The following TCF7L1 variants were observed in gnomAD, a reference collection of about 807,000 sequenced individuals.
TCF7L1 encodes the protein transcription factor 7-like 1.
TCF7L1 carries 18 observed loss-of-function variants against 63.7 expected under a neutral mutation model. The observed-to-expected ratio is 0.28, with a 90% CI of 0.20 to 0.42. The LOEUF is 0.42. TCF7L1 is among the 10% of genes least tolerant of loss of function. The probability of loss-of-function intolerance (pLI) is 1.00; values close to 1 mark genes in which losing one functional copy is unlikely to be tolerated. For synonymous variants in TCF7L1, 355 were observed against 340.9 expected, an observed-to-expected ratio of 1.04 and a Z score of -0.46; for missense variants, 654 against 779.3, an observed-to-expected ratio of 0.84 and a Z score of 1.91.
At chr2:85,235,350 T>C (rs543750673) in intron 3 of TCF7L1, among the ~76,000 whole-genome samples, 1 of 151,434 alleles carries the variant, frequency 6.6e-6, no homozygotes, top group Non-Finnish European at 1.5e-5. Flanking sequence ...CCCTACCCTG[T>C]CTCCCCGAAG....
Position 85,133,708 on chromosome 2 carries a change from C to CGGG in TCF7L1, c.26_27insGGG (p.Gly14dup). On this transcript the variant is annotated inframe_insertion, in exon 1 of 12. Coordinates refer to ENST00000282111, the MANE Select transcript of TCF7L1 (RefSeq NM_031283.3). The surrounding 1 kb of genome is among the most constrained non-coding windows in gnomAD (Gnocchi z 4.4). ...CCATGCCCCAGCTCGGCGGCGGGGG[C>CGGG]GGCGGCGGCGGCGGCGGCAGCGGGG... 8.6e-6 allele frequency: 3 copies of CGGG among 349,318 alleles called. No individual in the cohort carries two copies. Among genetic ancestry groups the CGGG allele is most frequent in the Non-Finnish European group, 1.0e-5 (3 of 290,198 alleles). 21.6% of individuals were successfully genotyped at this position (349,318 alleles called of 1,614,324 possible). A position where few individuals can be genotyped will look rare whatever the true frequency, so the allele number is the denominator to read the frequency against.
chr2:85,161,461 G>T (rs138887594), intron 3 of TCF7L1, among the ~76,000 whole-genome samples: 36 of 152,146 alleles, frequency 2.4e-4, no homozygotes, highest in African/African-American at 8.2e-4. Flanking sequence ...GGGGCCGGTG[G>T]AGCTGCTTCA....
intron 3 of TCF7L1, among the ~76,000 whole-genome samples, chr2:85,201,661 C>G (rs1162601546): frequency 1.3e-5 from 2 of 152,064 alleles, no homozygotes; most frequent in African/African-American, 2.4e-5. Context: ...TATGTTTAAC[C>G]ATTTGAGGAG....
At chr2:85,191,162 A>G (rs1241939604) in intron 3 of TCF7L1, among the ~76,000 whole-genome samples, 6 of 152,224 alleles carry the variant, frequency 3.9e-5, no homozygotes, top group African/African-American at 1.2e-4. Context: ...GAGTGGTGGT[A>G]TCAGTGCTGA....
intron 6 of TCF7L1, 76 bp downstream of exon 6, chr2:85,304,073 C>A: frequency 7.8e-7 from 1 of 1,287,090 alleles, no homozygotes; most frequent in Non-Finnish European, 1.1e-6. Context: ...GCGCGCCCTG[C>A]ACAGTGGAGC....
chr2:85,302,132 A>G (rs548527512), intron 4 of TCF7L1, among the ~76,000 whole-genome samples: 1 of 151,438 alleles, frequency 6.6e-6, no homozygotes, highest in Non-Finnish European at 1.5e-5. Context: ...CATCTCAAAA[A>G]ACAAAACAAA....
intron 3 of TCF7L1, among the ~76,000 whole-genome samples, chr2:85,273,043 G>A (rs1681187549): frequency 6.6e-6 from 1 of 152,196 alleles, no homozygotes; most frequent in South Asian, 2.1e-4. Context: ...GGGCTGAGAA[G>A]TACCTGGGAG....
At chr2:85,150,236 C>CTTT (rs777018512) in intron 3 of TCF7L1, among the ~76,000 whole-genome samples, 2 of 142,226 alleles carry the variant, frequency 1.4e-5, no homozygotes, top group Admixed American at 7.1e-5. Context: ...GTTCTTGACT[C>CTTT]TTTTTTTTTT....
intron 3 of TCF7L1, among the ~76,000 whole-genome samples, chr2:85,230,254 CT>C (rs1351003398): frequency 6.6e-6 from 1 of 152,186 alleles, no homozygotes; most frequent in Non-Finnish European, 1.5e-5. Flanking sequence ...GTGCATGATT[CT>C]TATGGATTAA....
chr2:85,149,555 T>C (rs747879456), intron 3 of TCF7L1, among the ~76,000 whole-genome samples: 36 of 152,176 alleles, frequency 2.4e-4, no homozygotes, highest in Admixed American at 1.9e-3. Flanking sequence ...AGATAGAGTC[T>C]GGCTGCAACG....
chr2:85,262,135 A>G (rs917582556), intron 3 of TCF7L1: 1 of 545,924 alleles, frequency 1.8e-6, no homozygotes, highest in Admixed American at 1.9e-5. Context: ...TCTCTTCCGC[A>G]TCATCTAATA....
intron 3 of TCF7L1, among the ~76,000 whole-genome samples, chr2:85,243,173 G>A (rs1680377888): frequency 1.3e-5 from 2 of 152,150 alleles, no homozygotes; most frequent in Non-Finnish European, 2.9e-5. Context: ...AACTAATTCT[G>A]TAATAACATG....
chr2:85,262,614 A>G (rs779758206), intron 3 of TCF7L1, among the ~76,000 whole-genome samples: 2 of 152,172 alleles, frequency 1.3e-5, no homozygotes, highest in Non-Finnish European at 2.9e-5. Context: ...GACTTTTTTT[A>G]AAGATGTTGC....
chr2:85,288,085 C>T (rs553013001), intron 4 of TCF7L1, among the ~76,000 whole-genome samples: 2 of 152,252 alleles, frequency 1.3e-5, no homozygotes, highest in African/African-American at 4.8e-5. Context: ...CCACCACTAC[C>T]GCTACCTCTA....
chr2:85,290,323 A>G (rs1454344190), intron 4 of TCF7L1, among the ~76,000 whole-genome samples: 1 of 151,920 alleles, frequency 6.6e-6, no homozygotes, highest in Admixed American at 6.6e-5. Context: ...ATATATTTGT[A>G]TACGTGTGCG....
chr2:85,191,089 C>T (rs1185434382), intron 3 of TCF7L1, among the ~76,000 whole-genome samples: 1 of 149,514 alleles, frequency 6.7e-6, no homozygotes, highest in Admixed American at 6.7e-5. Flanking sequence ...CTTTAAGAGC[C>T]TTATAACTTA....
At chr2:85,189,111 G>T (rs1446551241) in intron 3 of TCF7L1, among the ~76,000 whole-genome samples, 1 of 152,120 alleles carries the variant, frequency 6.6e-6, no homozygotes, top group South Asian at 2.1e-4. Flanking sequence ...CCTCCAACTG[G>T]TGGAGGCTGC....
At chr2:85,258,235 G>A (rs1680768511) in intron 3 of TCF7L1, among the ~76,000 whole-genome samples, 1 of 152,088 alleles carries the variant, frequency 6.6e-6, no homozygotes, top group African/African-American at 2.4e-5. Flanking sequence ...GAGCAGGGGG[G>A]GCCTGCATTG....
intron 3 of TCF7L1, among the ~76,000 whole-genome samples, chr2:85,172,440 A>C (rs1678567452): frequency 1.3e-5 from 2 of 151,992 alleles, no homozygotes; most frequent in South Asian, 4.2e-4. Context: ...TGTTTGTTTG[A>C]TTGTTTGAGA....
Sources: allele counts gnomAD v4.1 joint callset (sites outside exome capture counted in the v4.1 genomes callset), GRCh38; gene constraint gnomAD v4.1.1; non-coding constraint Gnocchi (gnomAD v3.1); transcripts MANE v1.5; gene names NCBI Gene and HGNC (gene_info 2026-07-23, HGNC 2026-07-21).